The following PARVB variants were observed in gnomAD, a reference collection of about 807,000 sequenced individuals.
PARVB encodes the protein beta-parvin.
A neutral mutation model predicts 47.0 loss-of-function variants in PARVB; 46 were observed. That is an observed-to-expected ratio of 0.98 (90% CI 0.77 to 1.25). The LOEUF (loss-of-function observed/expected upper bound fraction) is 1.25, where lower values mean the gene tolerates loss of function less well. Ranked by LOEUF, PARVB falls within the 50% of genes most tolerant of loss-of-function variation. The pLI is 0.00. For missense variants in PARVB, 473 were observed against 471.6 expected (o/e 1.00, Z -0.03); for synonymous variants, 196 against 196.3 (o/e 1.00, Z 0.01).
At chr22:44,151,294 C>T (rs2147148357) in intron 9 of PARVB, 189 bp from the exon 10 acceptor site, 1 of 561,288 alleles carries the variant, frequency 1.8e-6, no homozygotes, top group South Asian at 2.0e-5. Context: ...TAGATGTGGG[C>T]ATTATGCCAT....
intron 1 of PARVB, among the ~76,000 whole-genome samples, chr22:44,038,361 T>G (rs1180652684): frequency 6.6e-6 from 1 of 152,248 alleles, no homozygotes; most frequent in Non-Finnish European, 1.5e-5. Context: ...TTCTGGGCCC[T>G]GGAGCTGTGA....
At chr22:44,046,903 G>A (rs538889187) in intron 1 of PARVB, among the ~76,000 whole-genome samples, 1 of 152,242 alleles carries the variant, frequency 6.6e-6, no homozygotes, top group South Asian at 2.1e-4. Flanking sequence ...TCTCAAGATG[G>A]TTTAGAGGAT....
At chr22:44,073,360 G>A (rs377164120) in intron 1 of PARVB, among the ~76,000 whole-genome samples, 8 of 152,104 alleles carry the variant, frequency 5.3e-5, no homozygotes, top group Non-Finnish European at 8.8e-5. Context: ...TGGGCGTGGC[G>A]GTGCATGCTT....
intron 2 of PARVB, among the ~76,000 whole-genome samples, chr22:44,008,170 G>A (rs185777719): frequency 2.5e-4 from 38 of 152,098 alleles, no homozygotes; most frequent in African/African-American, 8.7e-4. Flanking sequence ...GCATGATCTC[G>A]GCTCACTGCA....
intron 1 of PARVB, among the ~76,000 whole-genome samples, chr22:44,034,258 TTATA>T (rs1347838155): frequency 1.6e-5 from 2 of 125,070 alleles, no homozygotes; most frequent in Non-Finnish European, 3.8e-5. Flanking sequence ...ATGGGTGTCT[TTATA>T]CATATATATG....
intron 2 of PARVB, chr22:44,009,505 T>G (rs914420492): frequency 2.0e-5 from 3 of 152,034 alleles, no homozygotes; most frequent in Admixed American, 2.0e-4. Context: ...AATCAGCAAT[T>G]CCCCATTGAC....
At chr22:44,151,029 CAAAAAA>C (rs35913551) in intron 9 of PARVB, 8 of 51,702 alleles carry the variant, frequency 1.5e-4, no homozygotes, top group South Asian at 1.1e-3. Flanking sequence ...GAGACTGTCT[CAAAAAA>C]AAAAAAAAAA....
chr22:44,158,175 T>A, intron 11 of PARVB, 92 bp downstream of exon 11: 6 of 817,984 alleles, frequency 7.3e-6, no homozygotes, highest in Non-Finnish European at 1.2e-5. Flanking sequence ...TCCTGCAGCC[T>A]GGCTGCATTC....
At chr22:44,153,828 C>T (rs1242551013) in intron 10 of PARVB, among the ~76,000 whole-genome samples, 1 of 152,134 alleles carries the variant, frequency 6.6e-6, no homozygotes, top group Non-Finnish European at 1.5e-5. Flanking sequence ...ATCTCATCAG[C>T]GGGAAGGCTG....
At chr22:44,020,617 T>C (rs1223271590), upstream of PARVB, among the ~76,000 whole-genome samples, 1 of 152,176 alleles carries the variant, frequency 6.6e-6, no homozygotes, top group Non-Finnish European at 1.5e-5. Context: ...TGACATTTTC[T>C]GGATGATTAC....
rs548940979 is a variant in PARVB at position 44,061,105 on chromosome 22, AC to A, written c.113-32819del. Among the ~76,000 whole-genome samples the A allele has an allele frequency of 2.2e-3, 340 of 152,172 alleles. 2 individuals are homozygous for A. The highest frequency in any genetic ancestry group is 7.6e-3 in the African/African-American group (316 of 41,504). ...TCTTGCACTTGGGAACACTAGGAGT[AC>A]CCCTCGCCACGCGTGGGGACCCATT... On this transcript the variant is annotated intron_variant, in intron 1 of 12. Transcript: ENST00000338758.
At chr22:44,120,455 C>G (rs146162537) in intron 4 of PARVB, among the ~76,000 whole-genome samples, 159 of 152,284 alleles carry the variant, frequency 1.0e-3, no homozygotes, top group African/African-American at 3.5e-3. Flanking sequence ...CCATCGGGAT[C>G]TGTCTGTCTC....
intron 3 of PARVB, chr22:44,108,818 CT>C (rs1311915737): frequency 1.3e-5 from 2 of 152,128 alleles, no homozygotes; most frequent in African/African-American, 4.8e-5. Context: ...GTTTTTACTT[CT>C]TTTGTGGATC....
At chr22:44,164,100 A>T (rs1038853070) in intron 12 of PARVB, among the ~76,000 whole-genome samples, 170 bp downstream of exon 12, 17 of 152,150 alleles carry the variant, frequency 1.1e-4, no homozygotes, top group African/African-American at 4.1e-4. Flanking sequence ...TCATTTTGGG[A>T]ACCAGGAGGA....
chr22:44,029,366 G>C (rs913504364), intron 1 of PARVB, among the ~76,000 whole-genome samples: 2 of 152,214 alleles, frequency 1.3e-5, no homozygotes, highest in Admixed American at 6.5e-5. Flanking sequence ...TACAAGTCAT[G>C]TGTTTTGCAA....
chr22:44,103,803 G>A lies in PARVB; in HGVS notation c.273+3680G>A, dbSNP rs1014716008. 1 of 152,246 alleles carries A rather than the reference G, an allele frequency of 6.6e-6. No individual in the cohort carries two copies. Among genetic ancestry groups the A allele is most frequent in the African/African-American group, 2.4e-5 (1 of 41,460 alleles). The allele number at this position is 152,246 out of a possible 1,614,324, so 9.4% of individuals were successfully genotyped here. A position where few individuals can be genotyped will look rare whatever the true frequency, so the allele number is the denominator to read the frequency against. On this transcript the variant is annotated intron_variant, in intron 3 of 12. Transcript: ENST00000338758. The surrounding 1 kb of genome is among the most constrained non-coding windows in gnomAD (Gnocchi z 4.6). Reference sequence around the variant, plus strand: ...AAGAAGGGGCCATGCACTAATGGATGCAGGCGGCCTCTGCCTCTAGAAGTG... The same window carrying A: ...AAGAAGGGGCCATGCACTAATGGATACAGGCGGCCTCTGCCTCTAGAAGTG...
chr22:44,082,530 C>CAAAAAA (rs1218039363), intron 1 of PARVB, among the ~76,000 whole-genome samples: 2 of 152,042 alleles, frequency 1.3e-5, no homozygotes. Flanking sequence ...AAAACAAAAA[C>CAAAAAA]AAAAACAAAA....
intron 1 of PARVB, among the ~76,000 whole-genome samples, chr22:44,038,375 TG>T (rs1211691330): frequency 6.6e-6 from 1 of 152,232 alleles, no homozygotes; most frequent in Non-Finnish European, 1.5e-5. Flanking sequence ...GCTGTGACCC[TG>T]GGGAAGGTAC....
chr22:44,151,401 TG>T, intron 9 of PARVB, 81 bp from the exon 10 acceptor site: 1 of 991,788 alleles, frequency 1.0e-6, no homozygotes, highest in African/African-American at 1.6e-5. Flanking sequence ...GAGCTGGGGC[TG>T]GCAAATGTCA....
Sources: gnomAD v4.1 joint callset for allele counts (sites outside exome capture counted in the v4.1 genomes callset) on GRCh38, gnomAD v4.1.1 for gene constraint, Gnocchi (gnomAD v3.1) non-coding constraint, MANE v1.5 for transcripts, NCBI Gene and HGNC (gene_info 2026-07-23, HGNC 2026-07-21) for gene names.